IGF2BP3: variants seen among roughly 807,000 people sequenced by gnomAD.
IGF2BP3 encodes the protein insulin-like growth factor 2 mRNA-binding protein 3.
Under a neutral mutation model 73.8 loss-of-function variants are expected in IGF2BP3, and 9 were observed. The observed-to-expected ratio is 0.12, with a 90% CI of 0.07 to 0.21. The LOEUF (loss-of-function observed/expected upper bound fraction) is 0.21. IGF2BP3 is among the 10% of genes least tolerant of loss of function. IGF2BP3 has a pLI of 1.00. For missense variants in IGF2BP3, 542 were observed against 714.0 expected (o/e 0.76, Z 2.75); for synonymous variants, 258 against 256.7 (o/e 1.01, Z -0.05).
chr7:23,347,504 CTGTT>C (rs1274413870), intron 7 of IGF2BP3, 92 bp downstream of exon 7: 5 of 1,323,256 alleles, frequency 3.8e-6, no homozygotes, highest in Non-Finnish European at 5.3e-6. Flanking sequence ...TCATTTCCCT[CTGTT>C]TGTTGGCAAT....
At chr7:23,418,698 A>G in intron 3 of IGF2BP3, 78 bp downstream of exon 3, 1 of 914,028 alleles carries the variant, frequency 1.1e-6, no homozygotes, top group Non-Finnish European at 1.7e-6. Context: ...AGTTGAGGAA[A>G]GGAGAAAAAG....
chr7:23,427,992 C>T (rs1356899740), intron 2 of IGF2BP3, among the ~76,000 whole-genome samples: 11 of 149,136 alleles, frequency 7.4e-5, no homozygotes, highest in South Asian at 4.3e-4. Flanking sequence ...GGTGACAGGG[C>T]GAGACACCAT....
intron 5 of IGF2BP3, among the ~76,000 whole-genome samples, chr7:23,359,027 A>G (rs947136770): frequency 1.3e-5 from 2 of 152,250 alleles, no homozygotes; most frequent in Non-Finnish European, 2.9e-5. Context: ...TTCCCTAATC[A>G]AAATGCCTAA....
intron 3 of IGF2BP3, among the ~76,000 whole-genome samples, chr7:23,388,395 C>G (rs1786156757): frequency 1.3e-5 from 2 of 151,990 alleles, no homozygotes; most frequent in African/African-American, 4.8e-5. Context: ...CACAGATGAA[C>G]AGGAGGAAAA....
At chr7:23,416,602 T>C (rs6651066) in intron 3 of IGF2BP3, among the ~76,000 whole-genome samples, 41,918 of 152,184 alleles carry the variant, frequency 0.28, 5,930 homozygotes, top group South Asian at 0.34. Flanking sequence ...AAGTAGAAGG[T>C]ACATAAGGTC....
At chr7:23,391,132 C>T (rs371121678) in intron 3 of IGF2BP3, among the ~76,000 whole-genome samples, 1 of 130,216 alleles carries the variant, frequency 7.7e-6, no homozygotes, top group Admixed American at 8.3e-5. Flanking sequence ...CAGATTCTTA[C>T]TCTGTCACCC....
chr7:23,322,944 C>A lies in IGF2BP3; in HGVS notation c.1204-3690G>T, dbSNP rs563329218. Among the ~76,000 whole-genome samples, 15 of 152,274 alleles carry A rather than the reference C, an allele frequency of 9.9e-5. No individual in the cohort carries two copies. The South Asian group carries it at 3.1e-3, about 32-fold the overall frequency. ...AAGCGCTAAACATGGAAAGGAACAA[C>A]CGGTACCAGCCACTGCAAAATCATG... On this transcript the variant is annotated intron_variant, in intron 10 of 14. Transcript: ENST00000258729.
intron 3 of IGF2BP3, among the ~76,000 whole-genome samples, chr7:23,391,914 T>C (rs1314235935): frequency 1.3e-5 from 2 of 152,220 alleles, no homozygotes; most frequent in African/African-American, 2.4e-5. Flanking sequence ...CTCTTCAATG[T>C]ATTTAGTTCA....
chr7:23,376,253 T>C (rs892848131), intron 3 of IGF2BP3, among the ~76,000 whole-genome samples: 2 of 152,006 alleles, frequency 1.3e-5, no homozygotes, highest in African/African-American at 4.8e-5. Flanking sequence ...AAAATAAATT[T>C]AGCAATTAAA....
At chr7:23,354,257 T>C (rs1785036932) in intron 5 of IGF2BP3, among the ~76,000 whole-genome samples, 1 of 152,192 alleles carries the variant, frequency 6.6e-6, no homozygotes, top group African/African-American at 2.4e-5. Context: ...CCTCCCAAAG[T>C]GCTGGGATTA....
At chr7:23,328,429 A>G (rs1173415505) in intron 10 of IGF2BP3, among the ~76,000 whole-genome samples, 1 of 152,182 alleles carries the variant, frequency 6.6e-6, no homozygotes, top group African/African-American at 2.4e-5. Flanking sequence ...GCTGGTCTCC[A>G]ACTCCTGACC....
chr7:23,351,772 C>CCA (rs1186205096), intron 5 of IGF2BP3, among the ~76,000 whole-genome samples, 186 bp from the exon 6 acceptor site: 1 of 152,130 alleles, frequency 6.6e-6, no homozygotes, highest in Non-Finnish European at 1.5e-5. Context: ...CCACCACCAC[C>CCA]CACACACATT....
At chr7:23,405,576 C>A (rs57222068) in intron 3 of IGF2BP3, among the ~76,000 whole-genome samples, 2 of 152,162 alleles carry the variant, frequency 1.3e-5, no homozygotes, top group Non-Finnish European at 2.9e-5. Flanking sequence ...GGTGAGCAGG[C>A]TTAAATGCCT....
At chr7:23,376,513 C>T (rs190047884) in intron 3 of IGF2BP3, among the ~76,000 whole-genome samples, 30 of 120,540 alleles carry the variant, frequency 2.5e-4, no homozygotes, top group Middle Eastern at 6.9e-3. Flanking sequence ...TTAGCCTGGG[C>T]AACAGAGTAA....
chr7:23,456,306 T>C (rs1045972389), intron 2 of IGF2BP3, among the ~76,000 whole-genome samples: 14 of 152,100 alleles, frequency 9.2e-5, no homozygotes, highest in Non-Finnish European at 2.9e-5. Context: ...TTACCACAGG[T>C]TCTCTTAACT....
intron 2 of IGF2BP3, among the ~76,000 whole-genome samples, chr7:23,426,017 C>G (rs1409954143): frequency 1.3e-5 from 2 of 151,472 alleles, no homozygotes; most frequent in African/African-American, 4.9e-5. Flanking sequence ...CAAAATGGTG[C>G]CAGCAGTCCT....
At chr7:23,327,372 C>T (rs1784330474) in intron 10 of IGF2BP3, among the ~76,000 whole-genome samples, 1 of 151,592 alleles carries the variant, frequency 6.6e-6, no homozygotes, top group African/African-American at 2.4e-5. Context: ...GCTCCGCCTC[C>T]CGGGTTCACG....
rs553517204 is a variant in IGF2BP3, at chr7:23,390,259, G to C, written c.285+28517C>G. ...TGTATACCTGCATAGAAGTATGAAAGGTAATATGCCAAGATATTTTTGAAC... is the reference window on the plus strand; with the variant it reads ...TGTATACCTGCATAGAAGTATGAAACGTAATATGCCAAGATATTTTTGAAC... On this transcript the variant is annotated intron_variant, in intron 3 of 14. Transcript: ENST00000258729. 2.0e-5 allele frequency among the ~76,000 whole-genome samples: 3 copies of C among 152,086 alleles called. No homozygotes were observed. The East Asian group carries it at 5.8e-4, about 29-fold the overall frequency.
At chr7:23,312,543 A>T in intron 14 of IGF2BP3, 83 bp from the exon 15 acceptor site, 1 of 1,065,654 alleles carries the variant, frequency 9.4e-7, no homozygotes, top group South Asian at 1.3e-5. Flanking sequence ...ACAATTTCAA[A>T]TAGAAATCCA....
Sources: allele counts gnomAD v4.1 joint callset (sites outside exome capture counted in the v4.1 genomes callset), GRCh38; gene constraint gnomAD v4.1.1; transcripts MANE v1.5; gene names NCBI Gene and HGNC (gene_info 2026-07-23, HGNC 2026-07-21).